Variants in KIT observed in about 807,000 individuals in gnomAD.
The protein encoded by KIT is mast/stem cell growth factor receptor Kit.
KIT carries 16 observed loss-of-function variants against 105.7 expected under a neutral mutation model. That is an observed-to-expected ratio of 0.15 (90% CI 0.10 to 0.23). KIT has a LOEUF of 0.23. Ranked by LOEUF, KIT falls within the 10% of genes least tolerant of loss-of-function variation. The pLI, the probability that KIT is intolerant of heterozygous loss-of-function variation, is 1.00. For missense variants in KIT, 858 were observed against 1,213.8 expected (o/e 0.71, Z 4.36); for synonymous variants, 438 against 441.1 (o/e 0.99, Z 0.09).
chr4:54,738,372 T>C, intron 20 of KIT, 57 bp from the exon 21 acceptor site: 1 of 1,598,730 alleles, frequency 6.3e-7, no homozygotes, highest in South Asian at 1.1e-5. Flanking sequence ...AGTATGCCTT[T>C]TGTTGCTATG....
chr4:54,705,226 A>G (rs536893975), intron 5 of KIT, among the ~76,000 whole-genome samples: 4 of 152,360 alleles, frequency 2.6e-5, no homozygotes, highest in East Asian at 1.9e-4. Context: ...CCATTCATCA[A>G]TTTCCAAGAA....
At chr4:54,700,791 T>C (rs1720407870) in intron 4 of KIT, among the ~76,000 whole-genome samples, 1 of 152,254 alleles carries the variant, frequency 6.6e-6, no homozygotes, top group African/African-American at 2.4e-5. Context: ...TGTGATGATA[T>C]TCATGTAGAC....
At chr4:54,700,817 T>C (rs576492833) in intron 4 of KIT, among the ~76,000 whole-genome samples, 2 of 152,170 alleles carry the variant, frequency 1.3e-5, no homozygotes, top group African/African-American at 4.8e-5. Flanking sequence ...ATGGATGATA[T>C]CTTGCTAAAT....
intron 1 of KIT, among the ~76,000 whole-genome samples, chr4:54,681,354 C>A (rs922403051): frequency 6.6e-6 from 1 of 152,124 alleles, no homozygotes; most frequent in East Asian, 1.9e-4. Flanking sequence ...AAAGTTCCTC[C>A]TTTCTGCTCA....
chr4:54,737,751 C>T lies in KIT; in HGVS notation c.2802+471C>T, dbSNP rs1046060326. On this transcript the variant is annotated intron_variant, in intron 20 of 20. Coordinates refer to ENST00000288135, the MANE Select transcript of KIT (RefSeq NM_000222.3). ...GAAAATGGCAGATAGCTGTCATGCCCACAAGCCATATAGAATGAAGAGCTG... is the reference window on the plus strand; with the variant it reads ...GAAAATGGCAGATAGCTGTCATGCCTACAAGCCATATAGAATGAAGAGCTG... 3.9e-5 allele frequency among the ~76,000 whole-genome samples: 6 copies of T among 152,310 alleles called. No individual in the cohort carries two copies. In the East Asian group the frequency reaches 1.2e-3, roughly 29 times the overall value.
chr4:54,681,860 C>T (rs190624951), intron 1 of KIT, among the ~76,000 whole-genome samples: 2 of 151,862 alleles, frequency 1.3e-5, no homozygotes, highest in East Asian at 2.0e-4. Context: ...GCCAACGTGG[C>T]GAAAACCTGA....
chr4:54,659,511 G>C (rs1717084577), intron 1 of KIT, among the ~76,000 whole-genome samples: 1 of 152,152 alleles, frequency 6.6e-6, no homozygotes, highest in Admixed American at 6.5e-5. Context: ...GTCGACTACC[G>C]GTCAGTTTCT....
chr4:54,716,377 A>G (rs1721498452), intron 7 of KIT, among the ~76,000 whole-genome samples: 1 of 152,236 alleles, frequency 6.6e-6, no homozygotes, highest in Admixed American at 6.5e-5. Context: ...TTACAAAAGC[A>G]TTATGTGAAG....
intron 2 of KIT, among the ~76,000 whole-genome samples, 180 bp from the exon 3 acceptor site, chr4:54,698,104 C>T (rs1346804318): frequency 2.6e-5 from 4 of 152,234 alleles, no homozygotes; most frequent in South Asian, 4.2e-4. Flanking sequence ...ACATGGAAAG[C>T]GTTTAATAAA....
At position 54,718,439 on chromosome 4, in the gene KIT, G is replaced by T. The variant is rs548978207; in HGVS notation, c.1232-5145G>T. ...ACGTTATTGAATTTATTTCTGATTAGTTTTAAAAAATCAGGAGATTTCATG... is the reference window on the plus strand; with the variant it reads ...ACGTTATTGAATTTATTTCTGATTATTTTTAAAAAATCAGGAGATTTCATG... On this transcript the variant is annotated intron_variant, in intron 7 of 20. Coordinates refer to ENST00000288135, the MANE Select transcript of KIT (RefSeq NM_000222.3). Among the ~76,000 whole-genome samples the T allele has an allele frequency of 9.8e-5, 15 of 152,286 alleles. 1 individual carries two copies. In the South Asian group the frequency reaches 1.9e-3, roughly 19 times the overall value.
rs559946055 is a variant in KIT, at chr4:54,713,734, T to A, written c.1231+4195T>A. ...AAAATTCCACATGTAAATTTCAGTA[T>A]AGTGAATGTGGGGAAGGGGCATGTT... On this transcript the variant is annotated intron_variant, in intron 7 of 20. Coordinates refer to ENST00000288135, the MANE Select transcript of KIT (RefSeq NM_000222.3). Among the ~76,000 whole-genome samples, 33 of 152,340 alleles carry A rather than the reference T, an allele frequency of 2.2e-4. No individual in the cohort carries two copies. The East Asian group carries it at 6.4e-3, about 29-fold the overall frequency.
chr4:54,720,004 T>C (rs1335033269), intron 7 of KIT, among the ~76,000 whole-genome samples: 1 of 151,972 alleles, frequency 6.6e-6, no homozygotes, highest in African/African-American at 2.4e-5. Context: ...GAGTGTGAAA[T>C]ATAAGGAGGT....
intron 1 of KIT, among the ~76,000 whole-genome samples, chr4:54,691,643 G>C (rs1460985980): frequency 6.6e-6 from 1 of 152,092 alleles, no homozygotes; most frequent in East Asian, 1.9e-4. Context: ...ACTGTTAGCT[G>C]CTGCTGCCTC....
chr4:54,678,855 G>C (rs1038415230), intron 1 of KIT, among the ~76,000 whole-genome samples: 4 of 152,120 alleles, frequency 2.6e-5, no homozygotes, highest in African/African-American at 9.7e-5. Flanking sequence ...CAGTACACCA[G>C]TTGTTAACAT....
intron 1 of KIT, among the ~76,000 whole-genome samples, chr4:54,660,211 C>T (rs962389423): frequency 1.3e-5 from 2 of 152,204 alleles, no homozygotes; most frequent in African/African-American, 2.4e-5. Context: ...CTGCCCCTGA[C>T]TGAAGCAAGG....
rs1201021287 is a variant in KIT at position 54,736,795 on chromosome 4, A to G, written c.2671A>G (p.Ser891Gly). The G allele has an allele frequency of 1.2e-6, 2 of 1,614,162 alleles. No homozygotes were observed. The highest frequency in any genetic ancestry group is 1.7e-6 in the Non-Finnish European group (2 of 1,179,982). ...KMIKEGFRML[S>G]PEHAPAEMYD... The stretch of plus-strand genomic sequence containing the variant: ...GATCAAGGAAGGCTTCCGGATGCTC[A>G]GCCCTGAACACGCACCTGCTGAAAT... The change falls in exon 19 of 21, where the codon AGC (serine) becomes GGC (glycine). Residue 891 changes from serine to glycine, a missense_variant. Around this residue, in one of 7 missense-constraint regions of KIT, gnomAD observed 63 missense variants for 137.4 expected, o/e 0.46. Transcript: ENST00000288135.
intron 1 of KIT, among the ~76,000 whole-genome samples, chr4:54,663,867 C>CA (rs1233579525): frequency 6.6e-6 from 1 of 152,156 alleles, no homozygotes; most frequent in Non-Finnish European, 1.5e-5. Flanking sequence ...CCAGCACTTA[C>CA]ACTAAGCTTT....
At chr4:54,688,350 C>T (rs926292412) in intron 1 of KIT, among the ~76,000 whole-genome samples, 6 of 151,678 alleles carry the variant, frequency 4.0e-5, no homozygotes, top group South Asian at 2.1e-4. Context: ...CTATGTGAAC[C>T]GAAGAGTAGT....
chr4:54,707,394 A>C, intron 6 of KIT, 107 bp downstream of exon 6: 1 of 830,426 alleles, frequency 1.2e-6, no homozygotes. Context: ...ATACCTGGTA[A>C]AGAAGAAAGT....
Sources: allele counts gnomAD v4.1 joint callset (sites outside exome capture counted in the v4.1 genomes callset), GRCh38; gene constraint gnomAD v4.1.1; regional missense constraint gnomAD v4.1.1; transcripts MANE v1.5; gene names NCBI Gene and HGNC (gene_info 2026-07-23, HGNC 2026-07-21).